The following SAXO1 variants were observed in gnomAD, a reference collection of about 807,000 sequenced individuals.
SAXO1 encodes stabilizer of axonemal microtubules 1, also known as 4930500O09Rik.
A neutral mutation model predicts 17.5 loss-of-function variants in SAXO1; 21 were observed. The ratio of observed to expected loss-of-function variants is 1.20; its 90% CI spans 0.85 to 1.72. SAXO1 has a LOEUF of 1.72. Among genes scored for constraint, SAXO1 ranks in the 40% most tolerant of loss-of-function variants. The pLI, the probability that SAXO1 is intolerant of heterozygous loss-of-function variation, is 0.00. For missense variants in SAXO1, 843 were observed against 596.0 expected, an observed-to-expected ratio of 1.41 and a Z score of -4.32; for synonymous variants, 274 against 216.5, an observed-to-expected ratio of 1.27 and a Z score of -2.33.
At chr9:18,946,601 C>T (rs1224815863) in intron 2 of SAXO1, among the ~76,000 whole-genome samples, 1 of 151,770 alleles carries the variant, frequency 6.6e-6, no homozygotes. Flanking sequence ...TAGCAACATT[C>T]TCACTGTACA....
chr9:19,018,909 AAC>A (rs1310275319), intron 1 of SAXO1, among the ~76,000 whole-genome samples: 1 of 152,162 alleles, frequency 6.6e-6, no homozygotes, highest in African/African-American at 2.4e-5. Context: ...CAGGAGTTCG[AAC>A]CCAGCCTGAC....
At chr9:18,998,307 G>T (rs944313692) in intron 1 of SAXO1, among the ~76,000 whole-genome samples, 3 of 152,056 alleles carry the variant, frequency 2.0e-5, no homozygotes, top group African/African-American at 7.2e-5. Flanking sequence ...TAAGAGAACT[G>T]CATGAAGCAT....
At chr9:19,041,113 A>G (rs1262774470) in intron 1 of SAXO1, among the ~76,000 whole-genome samples, 1 of 151,834 alleles carries the variant, frequency 6.6e-6, no homozygotes, top group Non-Finnish European at 1.5e-5. Context: ...ATACAAAACC[A>G]ACATACGAAA....
At chr9:19,001,550 C>T (rs1834263617) in intron 1 of SAXO1, among the ~76,000 whole-genome samples, 1 of 151,886 alleles carries the variant, frequency 6.6e-6, no homozygotes, top group Non-Finnish European at 1.5e-5. Context: ...ACCTGTAGTC[C>T]CAGCTACTCG....
intron 1 of SAXO1, among the ~76,000 whole-genome samples, chr9:19,024,456 G>A (rs894344394): frequency 2.0e-5 from 3 of 152,044 alleles, no homozygotes; most frequent in Non-Finnish European, 4.4e-5. Context: ...GTGGGGCGAG[G>A]GGGGGAGGGA....
At chr9:18,995,849 T>C (rs1191867831) in intron 1 of SAXO1, among the ~76,000 whole-genome samples, 4 of 152,056 alleles carry the variant, frequency 2.6e-5, no homozygotes, top group African/African-American at 2.4e-5. Context: ...GGAGGCCACA[T>C]TGGGAGGATC....
At chr9:18,989,807 T>G (rs1254375037) in intron 1 of SAXO1, among the ~76,000 whole-genome samples, 2 of 152,204 alleles carry the variant, frequency 1.3e-5, no homozygotes, top group African/African-American at 4.8e-5. Context: ...TTGAGGGACA[T>G]GATAAGCTGT....
intron 1 of SAXO1, among the ~76,000 whole-genome samples, chr9:18,961,992 T>A (rs1832505403): frequency 6.6e-6 from 1 of 152,184 alleles, no homozygotes; most frequent in Non-Finnish European, 1.5e-5. Flanking sequence ...GCATCTGTTG[T>A]TTCCTGACTT....
chr9:19,018,569 C>A (rs944597261), intron 1 of SAXO1, among the ~76,000 whole-genome samples: 1 of 152,186 alleles, frequency 6.6e-6, no homozygotes, highest in African/African-American at 2.4e-5. Flanking sequence ...TATTGCTTCA[C>A]GTCATGGCTA....
chr9:18,994,902 G>A (rs1833944198), intron 1 of SAXO1, among the ~76,000 whole-genome samples: 1 of 152,176 alleles, frequency 6.6e-6, no homozygotes, highest in Admixed American at 6.5e-5. Context: ...ACCTGTTAGT[G>A]AGCTAACAAG....
intron 2 of SAXO1, among the ~76,000 whole-genome samples, chr9:18,944,140 T>C (rs1310894131): frequency 2.0e-5 from 3 of 151,900 alleles, no homozygotes; most frequent in African/African-American, 7.3e-5. Flanking sequence ...TTAAGTTCCT[T>C]TGTAAGTGTT....
At chr9:18,996,111 T>C (rs1833990015) in intron 1 of SAXO1, among the ~76,000 whole-genome samples, 1 of 151,902 alleles carries the variant, frequency 6.6e-6, no homozygotes, top group Non-Finnish European at 1.5e-5. Context: ...AGTTTTATTA[T>C]ATAAATGTCC....
intron 1 of SAXO1, among the ~76,000 whole-genome samples, chr9:18,976,443 A>G (rs1833153556): frequency 6.6e-6 from 1 of 152,246 alleles, no homozygotes; most frequent in African/African-American, 2.4e-5. Context: ...TGTTGTGGCC[A>G]GAAACTTGGT....
At chr9:19,018,570 G>A (rs566314041) in intron 1 of SAXO1, among the ~76,000 whole-genome samples, 3 of 152,282 alleles carry the variant, frequency 2.0e-5, no homozygotes, top group South Asian at 2.1e-4. Context: ...ATTGCTTCAC[G>A]TCATGGCTAG....
chr9:18,994,972 T>A (rs1464325542), intron 1 of SAXO1, among the ~76,000 whole-genome samples: 1 of 152,232 alleles, frequency 6.6e-6, no homozygotes, highest in African/African-American at 2.4e-5. Context: ...TGTTTAACTT[T>A]ATTAAATATG....
chr9:18,952,430 G>C (rs1038913978), intron 1 of SAXO1, among the ~76,000 whole-genome samples: 1 of 152,198 alleles, frequency 6.6e-6, no homozygotes, highest in East Asian at 1.9e-4. Context: ...CTGGCATGCT[G>C]CTCCTGCTAG....
At chr9:19,010,116 A>C (rs1487626924) in intron 1 of SAXO1, among the ~76,000 whole-genome samples, 6 of 150,424 alleles carry the variant, frequency 4.0e-5, no homozygotes, top group Non-Finnish European at 8.8e-5. Context: ...GGCGTGAGCC[A>C]CTTTGCCTGG....
intron 1 of SAXO1, among the ~76,000 whole-genome samples, chr9:18,972,834 C>A (rs959394624): frequency 6.6e-6 from 1 of 152,230 alleles, no homozygotes; most frequent in African/African-American, 2.4e-5. Flanking sequence ...CTGCACTAAG[C>A]CTCGAGTCCT....
intron 2 of SAXO1, among the ~76,000 whole-genome samples, chr9:18,950,316 A>T (rs1005633728): frequency 6.6e-6 from 1 of 152,124 alleles, no homozygotes; most frequent in Non-Finnish European, 1.5e-5. Flanking sequence ...GGGGAGAAAA[A>T]AAAGCTCATT....
Sources: allele counts gnomAD v4.1 joint callset (sites outside exome capture counted in the v4.1 genomes callset), GRCh38; gene constraint gnomAD v4.1.1; transcripts MANE v1.5; gene names NCBI Gene and HGNC (gene_info 2026-07-23, HGNC 2026-07-21).